Variants in RIMS2 observed in about 807,000 individuals in gnomAD.
RIMS2 encodes regulating synaptic membrane exocytosis 2, also known as regulating synaptic membrane exocytosis protein 2.
A neutral mutation model predicts 174.4 loss-of-function variants in RIMS2; 59 were observed. The observed-to-expected ratio is 0.34, with a 90% confidence interval of 0.27 to 0.42. RIMS2 has a LOEUF of 0.42. Among genes scored for constraint, RIMS2 ranks in the 10% least tolerant of loss-of-function variants. RIMS2 has a pLI of 1.00. For missense variants in RIMS2, 1,620 were observed against 1,666.3 expected, an observed-to-expected ratio of 0.97 and a Z score of 0.48; for synonymous variants, 606 against 572.5, an observed-to-expected ratio of 1.06 and a Z score of -0.84.
intron 19 of RIMS2, among the ~76,000 whole-genome samples, chr8:104,144,417 C>T (rs1386815810): frequency 6.6e-6 from 1 of 152,080 alleles, no homozygotes; most frequent in Non-Finnish European, 1.5e-5. Context: ...CCATACTGTA[C>T]CTTTAACCCA....
chr8:103,850,651 A>G (rs555693983), intron 3 of RIMS2, among the ~76,000 whole-genome samples: 4 of 152,130 alleles, frequency 2.6e-5, no homozygotes, highest in African/African-American at 9.6e-5. Flanking sequence ...TTCTTTTTGG[A>G]TGACTATGAC....
intron 1 of RIMS2, among the ~76,000 whole-genome samples, chr8:103,531,400 A>G (rs1178712555): frequency 6.6e-6 from 1 of 152,248 alleles, no homozygotes; most frequent in Non-Finnish European, 1.5e-5. Context: ...CTTCTAAATA[A>G]TCCAAAGATT....
chr8:103,907,875 A>C (rs914620768), intron 4 of RIMS2, among the ~76,000 whole-genome samples: 3 of 150,446 alleles, frequency 2.0e-5, no homozygotes, highest in African/African-American at 7.4e-5. Context: ...CCTCCTGAAT[A>C]GCTGGGACTA....
intron 1 of RIMS2, among the ~76,000 whole-genome samples, chr8:103,573,218 G>A (rs1289948910): frequency 6.6e-6 from 1 of 151,534 alleles, no homozygotes; most frequent in African/African-American, 2.4e-5. Context: ...ACCACGCCCA[G>A]CTAATTTTTG....
intron 10 of RIMS2, among the ~76,000 whole-genome samples, chr8:103,927,614 G>A (rs2079028869): frequency 1.3e-5 from 2 of 151,270 alleles, no homozygotes; most frequent in Admixed American, 1.3e-4. Flanking sequence ...TTGAAAAATT[G>A]GATTATACAA....
chr8:103,745,764 G>A (rs2097803759), intron 2 of RIMS2, among the ~76,000 whole-genome samples: 1 of 152,150 alleles, frequency 6.6e-6, no homozygotes, highest in Non-Finnish European at 1.5e-5. Flanking sequence ...ACTTGGATAT[G>A]TTTATGCAGA....
At chr8:104,117,033 G>A (rs1170983221) in intron 19 of RIMS2, among the ~76,000 whole-genome samples, 1 of 151,358 alleles carries the variant, frequency 6.6e-6, no homozygotes, top group Non-Finnish European at 1.5e-5. Context: ...ATTTGTATAA[G>A]ATTAATTCAG....
At chr8:103,681,767 C>CT (rs1298227952) in intron 1 of RIMS2, among the ~76,000 whole-genome samples, 2 of 151,872 alleles carry the variant, frequency 1.3e-5, no homozygotes, top group South Asian at 2.1e-4. Flanking sequence ...AAGAATAACT[C>CT]TTTTTTTTAA....
Position 103,906,995 on chromosome 8 carries a change from G to T in RIMS2, c.1625-3139G>T, listed in dbSNP as rs555081062. Among the ~76,000 whole-genome samples the T allele has an allele frequency of 2.6e-5, 4 of 152,304 alleles. No individual in the cohort carries two copies. In the South Asian group the frequency reaches 8.3e-4, roughly 32 times the overall value. On this transcript the variant is annotated intron_variant, in intron 4 of 23. Transcript: ENST00000504942. ...GAAGCACTTCTCTAGCCCACAGAAAGAATGGGGTTCTTTCTACAAATTGCA... is the reference window on the plus strand; with the variant it reads ...GAAGCACTTCTCTAGCCCACAGAAATAATGGGGTTCTTTCTACAAATTGCA...
chr8:104,154,219 G>A (rs1237562081), intron 19 of RIMS2, among the ~76,000 whole-genome samples: 7 of 152,146 alleles, frequency 4.6e-5, no homozygotes, highest in Non-Finnish European at 8.8e-5. Flanking sequence ...CCCAGCTAAT[G>A]TCATGGGTGG....
intron 9 of RIMS2, 69 bp from the exon 13 acceptor site, chr8:103,921,603 A>G: frequency 1.3e-6 from 1 of 760,236 alleles, no homozygotes; most frequent in South Asian, 1.4e-5. Context: ...TAAAAGATAT[A>G]TGGCAAAACT....
At chr8:103,826,225 C>T (rs767652297) in intron 3 of RIMS2, among the ~76,000 whole-genome samples, 5 of 151,834 alleles carry the variant, frequency 3.3e-5, no homozygotes, top group African/African-American at 9.7e-5. Context: ...AGTTTTAATT[C>T]TGATAAAATG....
At chr8:104,216,964 A>C (rs1277696692) in intron 19 of RIMS2, among the ~76,000 whole-genome samples, 1 of 152,260 alleles carries the variant, frequency 6.6e-6, no homozygotes. Context: ...GAGACAATGC[A>C]TGTGAAGAAC....
intron 17 of RIMS2, among the ~76,000 whole-genome samples, chr8:104,012,114 G>A (rs1488568182): frequency 1.3e-5 from 2 of 151,544 alleles, no homozygotes; most frequent in Non-Finnish European, 2.9e-5. Flanking sequence ...TGTTCCTGAG[G>A]CACTTATATG....
At chr8:103,709,145 T>G (rs555480309) in intron 2 of RIMS2, among the ~76,000 whole-genome samples, 55 of 152,310 alleles carry the variant, frequency 3.6e-4, no homozygotes, top group Non-Finnish European at 3.5e-4. Context: ...CAGTATATTT[T>G]TTAATAATCA....
chr8:103,952,199 T>C (rs1317154019), intron 14 of RIMS2, among the ~76,000 whole-genome samples: 3 of 152,208 alleles, frequency 2.0e-5, no homozygotes, highest in Admixed American at 1.3e-4. Flanking sequence ...TAAACGTTCC[T>C]GCCTGGCAGC....
At chr8:103,731,767 T>C (rs2097598652) in intron 2 of RIMS2, among the ~76,000 whole-genome samples, 1 of 152,196 alleles carries the variant, frequency 6.6e-6, no homozygotes, top group Admixed American at 6.5e-5. Context: ...AGTTGCATTT[T>C]TGAACTCCAG....
At chr8:103,517,819 A>G (rs924978343) in intron 1 of RIMS2, among the ~76,000 whole-genome samples, 9 of 152,214 alleles carry the variant, frequency 5.9e-5, no homozygotes, top group African/African-American at 1.9e-4. Context: ...ACTAACAGCT[A>G]GATCTGGGGT....
At chr8:103,830,418 G>C (rs534120820) in intron 3 of RIMS2, among the ~76,000 whole-genome samples, 1 of 152,106 alleles carries the variant, frequency 6.6e-6, no homozygotes, top group Admixed American at 6.5e-5. Context: ...TTTTATTCTG[G>C]TGAGAGAAAT....
Sources: allele counts gnomAD v4.1 joint callset (sites outside exome capture counted in the v4.1 genomes callset), GRCh38; gene constraint gnomAD v4.1.1; transcripts MANE v1.5; gene names NCBI Gene and HGNC (gene_info 2026-07-23, HGNC 2026-07-21).